Variants in DHRS1 observed in about 807,000 individuals in gnomAD.
DHRS1 encodes the protein dehydrogenase/reductase 1, also known as dehydrogenase/reductase SDR family member 1.
In DHRS1, 34 loss-of-function variants were observed where a neutral mutation model predicts 35.2. The ratio of observed to expected loss-of-function variants is 0.97; its 90% CI spans 0.74 to 1.29. DHRS1 has a LOEUF of 1.29. Ranked by LOEUF, DHRS1 falls within the 50% of genes most tolerant of loss-of-function variation. DHRS1 has a pLI of 0.00. For synonymous variants in DHRS1, 133 were observed against 160.0 expected (o/e 0.83, Z 1.27); for missense variants, 354 against 403.6 (o/e 0.88, Z 1.05).
Position 24,291,585 on chromosome 14 carries a change from C to G in DHRS1, c.695G>C (p.Ser232Thr). 1 of 1,614,238 alleles carries G rather than the reference C, an allele frequency of 6.2e-7. No individual in the cohort carries two copies. The highest frequency in any genetic ancestry group is 8.5e-7 in the Non-Finnish European group (1 of 1,180,042). The stretch of plus-strand genomic sequence containing the variant: ...TGCCAAAGCCACCACACATTTGCCA[C>G]TCAATTCTGTGGTTTCCGCAGATGA... ...AFSSAETTEL[S>T]GKCVVALATD... The change falls in exon 7 of 9, where the codon AGT (serine) becomes ACT (threonine). Residue 232 changes from serine (S) to threonine (T), a missense_variant. Physicochemically the swap from Ser to Thr is moderately conservative, Grantham distance 58 (BLOSUM62 1). Transcript: ENST00000288111.
intron 4 of DHRS1, chr14:24,294,662 G>A (rs1316405282): frequency 2.6e-5 from 4 of 152,032 alleles, no homozygotes; most frequent in Non-Finnish European, 1.5e-5. Flanking sequence ...AAAAATGAGT[G>A]ATAAATTGGG....
At chr14:24,299,403 A>G (rs558707625) in intron 1 of DHRS1, 178 bp downstream of exon 1, 184 of 301,028 alleles carry the variant, frequency 6.1e-4, no homozygotes, top group African/African-American at 3.7e-3. Flanking sequence ...CTGCCTGGAT[A>G]TGGGAATCTG....
At chr14:24,296,236 C>T (rs917200696) in intron 4 of DHRS1, among the ~76,000 whole-genome samples, 1 of 152,198 alleles carries the variant, frequency 6.6e-6, no homozygotes, top group Non-Finnish European at 1.5e-5. Context: ...AGGCTTCCTC[C>T]CTTCTGGGTC....
chr14:24,299,278 A>G, intron 1 of DHRS1, 148 bp from the exon 2 acceptor site: 2 of 722,294 alleles, frequency 2.8e-6, no homozygotes, highest in Non-Finnish European at 4.4e-6. Context: ...GAGGCTGACA[A>G]CTGGGTGCGG....
chr14:24,297,237 C>A (rs1234067002), intron 2 of DHRS1, among the ~76,000 whole-genome samples: 1 of 152,166 alleles, frequency 6.6e-6, no homozygotes, highest in Non-Finnish European at 1.5e-5. Context: ...TTGTTGTGGT[C>A]ATTTCCATCT....
chr14:24,291,790 A>G, intron 6 of DHRS1, 165 bp from the exon 7 acceptor site: 1 of 685,432 alleles, frequency 1.5e-6, no homozygotes, highest in Non-Finnish European at 2.6e-6. Flanking sequence ...TGCCAGAGCC[A>G]CTCCTCCCCA....
Position 24,290,856 on chromosome 14 carries a change from G to A in DHRS1, c.*3C>T, listed in dbSNP as rs957977799. ...GCAGAGACGTAGTGTCAGACCAGGA[G>A]GGTTAGAACTTGCTAGTGTAGAGGG... On this transcript the variant is annotated 3_prime_UTR_variant, in exon 9 of 9. Coordinates refer to ENST00000288111, the MANE Select transcript of DHRS1 (RefSeq NM_001136050.3). 2.5e-6 allele frequency: 4 copies of A among 1,613,732 alleles called. No homozygotes were observed. Among genetic ancestry groups the A allele is most frequent in the East Asian group, 2.2e-5 (1 of 44,832 alleles).
intron 4 of DHRS1, among the ~76,000 whole-genome samples, chr14:24,295,017 T>C (rs909340492): frequency 2.0e-5 from 3 of 152,216 alleles, no homozygotes; most frequent in Non-Finnish European, 4.4e-5. Context: ...AAAAAGTACA[T>C]ATTCTTTGTT....
chr14:24,296,841 TC>T lies in DHRS1; in HGVS notation c.190del (p.Asp64IlefsTer23). ...LGGQCVPVVC[D>X]SSQESEVRSL... is the part of the protein sequence containing the mutation. Reference sequence around the variant, plus strand: ...TCGCACTTCACTCTCCTGGCTTGAATCGCACACCACAGGCACACATTGGCCC... The same window carrying T: ...TCGCACTTCACTCTCCTGGCTTGAATGCACACCACAGGCACACATTGGCCC... On this transcript the variant is annotated frameshift_variant, in exon 3 of 9. Transcript: ENST00000288111. LOFTEE classifies it high-confidence loss of function. The T allele has an allele frequency of 6.2e-7, 1 of 1,614,232 alleles. No individual in the cohort carries two copies. The highest frequency in any genetic ancestry group is 2.2e-5 in the East Asian group (1 of 44,890).
chr14:24,296,666 G>A (rs2139100512), intron 3 of DHRS1, 72 bp downstream of exon 3: 1 of 1,613,592 alleles, frequency 6.2e-7, no homozygotes, highest in Non-Finnish European at 8.5e-7. Context: ...GGGACAATGA[G>A]TGGGGATGAA....
chr14:24,296,979 T>A (rs971641434), intron 2 of DHRS1, 98 bp from the exon 3 acceptor site: 2 of 1,539,302 alleles, frequency 1.3e-6, no homozygotes, highest in African/African-American at 1.4e-5. Flanking sequence ...GAGAAGACAA[T>A]CAATCCTAGG....
At position 24,291,596 on chromosome 14, in the gene DHRS1, G is replaced by C. The variant is rs201262413; in HGVS notation, c.684C>G (p.Thr228=). 46 of 1,614,204 alleles carry C rather than the reference G, an allele frequency of 2.8e-5. No homozygotes were observed. The Admixed American group carries it at 7.5e-4, about 26-fold the overall frequency. Residue 228 remains threonine (T), a synonymous_variant, in exon 7 of 9, where the codon ACC becomes ACG. Coordinates refer to ENST00000288111, the MANE Select transcript of DHRS1 (RefSeq NM_001136050.3). The stretch of plus-strand genomic sequence containing the variant: ...CCACACATTTGCCACTCAATTCTGT[G>C]GTTTCCGCAGATGAGAAGGCTGATT... The part of the protein sequence containing the change: ...QFKSAFSSAE[T]TELSGKCVVA...
chr14:24,292,096 C>T, intron 6 of DHRS1, 88 bp downstream of exon 6: 1 of 1,534,178 alleles, frequency 6.5e-7, no homozygotes, highest in Non-Finnish European at 9.0e-7. Flanking sequence ...CAGTAAGCAC[C>T]TGGTGAGTGG....
At chr14:24,295,467 G>A (rs1395391814) in intron 4 of DHRS1, among the ~76,000 whole-genome samples, 2 of 152,220 alleles carry the variant, frequency 1.3e-5, no homozygotes, top group East Asian at 1.9e-4. Flanking sequence ...CAGTAAATGC[G>A]CATGGGGAAT....
chr14:24,294,274 G>A (rs576811903), intron 4 of DHRS1: 1 of 152,152 alleles, frequency 6.6e-6, no homozygotes, highest in South Asian at 2.1e-4. Flanking sequence ...AAAGATACAT[G>A]TATATTTCTG....
chr14:24,296,743 C>A lies in DHRS1; in HGVS notation c.289G>T (p.Val97Phe). The A allele has an allele frequency of 6.2e-7, 1 of 1,614,160 alleles. No homozygotes were observed. The highest frequency in any genetic ancestry group is 8.5e-7 in the Non-Finnish European group (1 of 1,180,028). The change falls in exon 3 of 9, where the codon GTC (valine) becomes TTC (phenylalanine). Residue 97 changes from valine to phenylalanine, a missense_variant. Coordinates refer to ENST00000288111, the MANE Select transcript of DHRS1 (RefSeq NM_001136050.3). ...GAACAAAGTTCAAAGGGTACCTGGA[C>A]CCCTGCATAAGCATTGTTGACCAGC... Reference protein sequence around the residue: ...DVLVNNAYAGVQTILNTRNKA... With the variant: ...DVLVNNAYAGFQTILNTRNKA...
intron 4 of DHRS1, among the ~76,000 whole-genome samples, chr14:24,295,165 G>A (rs1055558597): frequency 1.3e-5 from 2 of 151,966 alleles, no homozygotes; most frequent in African/African-American, 2.4e-5. Context: ...AATAGAATAC[G>A]TACAAGTATT....
At chr14:24,294,023 A>C (rs1266028874) in intron 4 of DHRS1, 2 of 152,202 alleles carry the variant, frequency 1.3e-5, no homozygotes, top group African/African-American at 4.8e-5. Flanking sequence ...ACAACCGACC[A>C]GTTATTTGAG....
chr14:24,296,124 G>A (rs1433252161), intron 4 of DHRS1, among the ~76,000 whole-genome samples: 1 of 152,158 alleles, frequency 6.6e-6, no homozygotes, highest in African/African-American at 2.4e-5. Flanking sequence ...ATTGGTGTTC[G>A]CTCCTTCTTC....
Sources: allele counts gnomAD v4.1 joint callset (sites outside exome capture counted in the v4.1 genomes callset), GRCh38; gene constraint gnomAD v4.1.1; transcripts MANE v1.5; gene names NCBI Gene and HGNC (gene_info 2026-07-23, HGNC 2026-07-21).